SAAL1: variants seen among roughly 807,000 people sequenced by gnomAD.
SAAL1 encodes protein SAAL1.
A neutral mutation model predicts 59.8 loss-of-function variants in SAAL1; 42 were observed. The ratio of observed to expected loss-of-function variants is 0.70; its 90% CI spans 0.55 to 0.91. The LOEUF is 0.91. Among genes scored for constraint, SAAL1 ranks in the 40% least tolerant of loss-of-function variants. The pLI, the probability that SAAL1 is intolerant of heterozygous loss-of-function variation, is 0.00. For synonymous variants in SAAL1, 191 were observed against 194.3 expected, an observed-to-expected ratio of 0.98 and a Z score of 0.14; for missense variants, 542 against 561.1, an observed-to-expected ratio of 0.97 and a Z score of 0.34.
chr11:18,097,870 C>T (rs1016366703), intron 2 of SAAL1, among the ~76,000 whole-genome samples: 4 of 119,420 alleles, frequency 3.3e-5, no homozygotes, highest in Admixed American at 1.5e-4. Flanking sequence ...CTTGGCTGGG[C>T]GAGGTGGCTC....
At chr11:18,098,944 T>C (rs1216961788) in intron 2 of SAAL1, among the ~76,000 whole-genome samples, 3 of 152,228 alleles carry the variant, frequency 2.0e-5, no homozygotes, top group Non-Finnish European at 4.4e-5. Context: ...CTATCTCATT[T>C]AATTCTCAAA....
intron 9 of SAAL1, among the ~76,000 whole-genome samples, chr11:18,084,371 G>A (rs1237661216): frequency 2.0e-5 from 3 of 152,158 alleles, no homozygotes; most frequent in African/African-American, 7.2e-5. Context: ...CTCATGCGTA[G>A]GCAACTTCTG....
intron 7 of SAAL1, among the ~76,000 whole-genome samples, chr11:18,088,550 A>G (rs1017737240): frequency 1.3e-5 from 2 of 152,242 alleles, no homozygotes; most frequent in African/African-American, 4.8e-5. Flanking sequence ...TCCAGATGAG[A>G]AACAATAATG....
intron 2 of SAAL1, among the ~76,000 whole-genome samples, chr11:18,100,938 C>A (rs1302911978): frequency 6.6e-6 from 1 of 152,074 alleles, no homozygotes; most frequent in African/African-American, 2.4e-5. Context: ...AAGAAAACAA[C>A]ACAATTAAAA....
intron 11 of SAAL1, among the ~76,000 whole-genome samples, chr11:18,081,174 G>GTC (rs2134052676): frequency 6.6e-6 from 1 of 152,142 alleles, no homozygotes; most frequent in African/African-American, 2.4e-5. Flanking sequence ...GGTCCCCAGT[G>GTC]TCTACTGCTC....
intron 9 of SAAL1, 93 bp downstream of exon 9, chr11:18,086,773 T>C (rs1412111081): frequency 2.9e-6 from 2 of 686,344 alleles, no homozygotes; most frequent in African/African-American, 1.9e-5. Context: ...GTTTAGCATG[T>C]AATGTTTTTA....
rs571896845 is a variant in SAAL1 at position 18,080,396 on chromosome 11, G to A, written c.*3C>T. 676 of 1,568,588 alleles carry A rather than the reference G, an allele frequency of 4.3e-4. 12 individuals are homozygous for A. The South Asian group carries it at 7.0e-3, about 16-fold the overall frequency. ...TTGTACAGAAGTAATTCCAATTCAG[G>A]TTTTAAGTCTGAACCTTCAAACTTG... is the stretch of plus-strand genomic sequence containing the variant. On this transcript the variant is annotated 3_prime_UTR_variant, in exon 12 of 12. Transcript: ENST00000524803.
intron 3 of SAAL1, 131 bp from the exon 4 acceptor site, chr11:18,092,455 A>G: frequency 1.5e-6 from 1 of 659,184 alleles, no homozygotes; most frequent in East Asian, 2.7e-5. Flanking sequence ...ATAAAGAAAT[A>G]CATATACTGC....
At chr11:18,088,149 T>C (rs1046723425) in intron 7 of SAAL1, among the ~76,000 whole-genome samples, 1 of 152,234 alleles carries the variant, frequency 6.6e-6, no homozygotes, top group South Asian at 2.1e-4. Context: ...AAACTTCACA[T>C]GACTGAAACG....
Position 18,099,278 on chromosome 11 carries a change from C to A in SAAL1, c.250-2424G>T, listed in dbSNP as rs114129124. The stretch of plus-strand genomic sequence containing the variant: ...GAATACAGGCAAGTACCCAGCGAGA[C>A]TATGTTCTTAACCAGCACAACATGC... On this transcript the variant is annotated intron_variant, in intron 2 of 11. Coordinates refer to ENST00000524803, the MANE Select transcript of SAAL1 (RefSeq NM_138421.3). Among the ~76,000 whole-genome samples, 845 of 152,308 alleles carry A rather than the reference C, an allele frequency of 5.5e-3. 12 individuals are homozygous for A. Among genetic ancestry groups the A allele is most frequent in the African/African-American group, 0.02 (821 of 41,568 alleles).
chr11:18,102,675 A>C (rs981652754), intron 2 of SAAL1, among the ~76,000 whole-genome samples: 1 of 152,216 alleles, frequency 6.6e-6, no homozygotes, highest in Non-Finnish European at 1.5e-5. Flanking sequence ...GAAAGATTAC[A>C]TAGGTCATTT....
chr11:18,090,650 C>T (rs2271532), intron 4 of SAAL1, 157 bp from the exon 5 acceptor site: 63,846 of 796,438 alleles, frequency 0.08, 2,842 homozygotes, highest in Middle Eastern at 0.11. Flanking sequence ...AATTATAAAG[C>T]AAACACTCGT....
intron 2 of SAAL1, among the ~76,000 whole-genome samples, chr11:18,102,142 C>T (rs911951495): frequency 2.0e-5 from 3 of 151,954 alleles, no homozygotes; most frequent in Non-Finnish European, 4.4e-5. Flanking sequence ...TGACTCACTC[C>T]TATAATCCCA....
intron 2 of SAAL1, among the ~76,000 whole-genome samples, chr11:18,098,078 C>T (rs1200918391): frequency 6.6e-6 from 1 of 152,152 alleles, no homozygotes; most frequent in East Asian, 1.9e-4. Context: ...ACCCGTGAGG[C>T]AGAGGGTGCA....
At chr11:18,084,888 T>TCAAGG (rs1399484257) in intron 9 of SAAL1, among the ~76,000 whole-genome samples, 1 of 152,062 alleles carries the variant, frequency 6.6e-6, no homozygotes, top group Admixed American at 6.6e-5. Context: ...GCCTCAGCCT[T>TCAAGG]CTGAGTAACT....
chr11:18,090,556 C>CATTTA, intron 4 of SAAL1, 63 bp from the exon 5 acceptor site: 1 of 1,545,462 alleles, frequency 6.5e-7, no homozygotes. Flanking sequence ...TCAGAGTTTT[C>CATTTA]ATTTAATTTT....
intron 2 of SAAL1, among the ~76,000 whole-genome samples, chr11:18,099,577 G>A (rs1213856830): frequency 6.6e-6 from 1 of 152,218 alleles, no homozygotes; most frequent in Non-Finnish European, 1.5e-5. Context: ...AGGCATTTCA[G>A]AAGGGGTGAC....
rs779368426 is a variant in SAAL1, at chr11:18,087,137, C to T, written c.853+6G>A. 6 of 1,610,250 alleles carry T rather than the reference C, an allele frequency of 3.7e-6. No homozygotes were observed. Among genetic ancestry groups the T allele is most frequent in the African/African-American group, 2.7e-5 (2 of 74,864 alleles). ...AACTGTAGTGCATCCCGATAAACCA[C>T]CTTACCAATTGCTTGAATTCCATCA... On this transcript the variant is annotated splice_donor_region_variant and intron_variant, in intron 8 of 11. Coordinates refer to ENST00000524803, the MANE Select transcript of SAAL1 (RefSeq NM_138421.3).
chr11:18,103,160 G>A, intron 2 of SAAL1, 73 bp downstream of exon 2: 1 of 1,007,094 alleles, frequency 9.9e-7, no homozygotes, highest in Admixed American at 1.7e-5. Flanking sequence ...GTGAAGGACT[G>A]AACCGTTTTT....
Sources: allele counts gnomAD v4.1 joint callset (sites outside exome capture counted in the v4.1 genomes callset), GRCh38; gene constraint gnomAD v4.1.1; transcripts MANE v1.5; gene names NCBI Gene and HGNC (gene_info 2026-07-23, HGNC 2026-07-21).